TOGARAM2: variants seen among roughly 807,000 people sequenced by gnomAD.
TOGARAM2 encodes the protein TOG array regulator of axonemal microtubules protein 2.
Under a neutral mutation model 93.3 loss-of-function variants are expected in TOGARAM2, and 85 were observed. The observed-to-expected ratio is 0.91, with a 90% CI of 0.76 to 1.09. TOGARAM2 has a LOEUF of 1.09. TOGARAM2 is among the 50% of genes least tolerant of loss of function. The pLI is 0.00. For missense variants in TOGARAM2, 1,277 were observed against 1,334.5 expected (o/e 0.96, Z 0.67); for synonymous variants, 593 against 552.8 (o/e 1.07, Z -1.02).
At chr2:29,039,729 C>G (rs937100495) in intron 18 of TOGARAM2, among the ~76,000 whole-genome samples, 1 of 152,306 alleles carries the variant, frequency 6.6e-6, no homozygotes, top group Non-Finnish European at 1.5e-5. Context: ...GATTGGGGCT[C>G]AAGTGGCATT....
At chr2:29,040,996 C>A (rs938114720) in intron 18 of TOGARAM2, among the ~76,000 whole-genome samples, 3 of 150,580 alleles carry the variant, frequency 2.0e-5, no homozygotes, top group African/African-American at 7.3e-5. Context: ...ATAGCATAAG[C>A]ATTTGCAGAT....
In TOGARAM2 at chr2:29,002,698, T is replaced by TA; in HGVS notation, c.591dup (p.Pro198ThrfsTer28). 1.2e-6 allele frequency: 2 copies of TA among 1,614,008 alleles called. No individual in the cohort carries two copies. Among genetic ancestry groups the TA allele is most frequent in the Non-Finnish European group, 1.7e-6 (2 of 1,179,884 alleles). ...GGAGTCAAAGAGAAGGGCCTGGACC[T>TA]ACCGGGGAGCATTCCGGGTCCTCAC... On this transcript the variant is annotated frameshift_variant, in exon 5 of 20. Coordinates refer to ENST00000379558, the MANE Select transcript of TOGARAM2 (RefSeq NM_199280.4). LOFTEE classifies it high-confidence loss of function.
intron 1 of TOGARAM2, among the ~76,000 whole-genome samples, chr2:28,974,954 A>G (rs1185237285): frequency 6.7e-6 from 1 of 148,856 alleles, no homozygotes; most frequent in Non-Finnish European, 1.5e-5. Flanking sequence ...TTCAGTCTAT[A>G]TTTTTTCTGT....
At chr2:28,973,465 T>TCCTGCCTTCCTTCCTC (rs1671982210) in intron 1 of TOGARAM2, among the ~76,000 whole-genome samples, 1 of 60,772 alleles carries the variant, frequency 1.6e-5, no homozygotes, top group Non-Finnish European at 3.5e-5. Flanking sequence ...CTTCCTTCCT[T>TCCTGCCTTCCTTCCTC]CCTCCCTCCC....
intron 1 of TOGARAM2, among the ~76,000 whole-genome samples, chr2:28,967,285 G>A (rs1414118014): frequency 6.6e-6 from 1 of 152,012 alleles, no homozygotes; most frequent in Non-Finnish European, 1.5e-5. Context: ...GACCAACCTG[G>A]GCAACATAGT....
intron 8 of TOGARAM2, among the ~76,000 whole-genome samples, chr2:29,015,819 T>A (rs1205384992): frequency 1.3e-5 from 2 of 152,070 alleles, no homozygotes; most frequent in East Asian, 3.9e-4. Context: ...TCCCAGCCCT[T>A]CTTGGCTGCC....
At chr2:28,975,465 G>C (rs1242536523) in intron 1 of TOGARAM2, among the ~76,000 whole-genome samples, 5 of 152,116 alleles carry the variant, frequency 3.3e-5, no homozygotes, top group Non-Finnish European at 7.4e-5. Flanking sequence ...TGGGATTACA[G>C]GTGTGAGCCA....
At chr2:28,976,340 C>T (rs540378907), upstream of TOGARAM2, among the ~76,000 whole-genome samples, 30 of 152,300 alleles carry the variant, frequency 2.0e-4, no homozygotes, top group Non-Finnish European at 3.5e-4. Flanking sequence ...CACTGCACTC[C>T]AGCCTGGGCG....
chr2:29,030,999 C>A (rs369110938), intron 14 of TOGARAM2, among the ~76,000 whole-genome samples: 9 of 152,176 alleles, frequency 5.9e-5, no homozygotes, highest in Non-Finnish European at 1.3e-4. Context: ...TTTACTGAGC[C>A]ACCCAAGAGG....
At chr2:28,993,888 C>T (rs537675027) in intron 1 of TOGARAM2, among the ~76,000 whole-genome samples, 2 of 152,310 alleles carry the variant, frequency 1.3e-5, no homozygotes, top group South Asian at 4.1e-4. Context: ...AGGTTCCTGC[C>T]CTGTCCCCAG....
At chr2:29,033,594 C>T (rs755536819) in intron 16 of TOGARAM2, 31 bp downstream of exon 16, 12 of 1,595,152 alleles carry the variant, frequency 7.5e-6, no homozygotes, top group Non-Finnish European at 1.0e-5. Context: ...CTGGGCTTCA[C>T]ATCTAAGACT....
chr2:28,979,426 C>A (rs886274372), upstream of TOGARAM2, among the ~76,000 whole-genome samples: 1 of 152,202 alleles, frequency 6.6e-6, no homozygotes, highest in Non-Finnish European at 1.5e-5. Context: ...TTGTTTCTTG[C>A]CTAAGATGTC....
rs532577960 is a variant in TOGARAM2, at chr2:28,990,580, C to T, written c.-110-4145C>T. Among the ~76,000 whole-genome samples the T allele has an allele frequency of 5.9e-5, 9 of 152,300 alleles. No homozygotes were observed. The East Asian group carries it at 1.4e-3, about 23-fold the overall frequency. ...TGGAATGCCATTCCTCCTTCCTACC[C>T]GTTTAGACCCCATTTCCTACCCGTT... is the stretch of plus-strand genomic sequence containing the variant. On this transcript the variant is annotated intron_variant, in intron 1 of 19. Transcript: ENST00000379558.
At position 29,051,991 on chromosome 2, in the gene TOGARAM2, C is replaced by G; in HGVS notation, c.2958C>G (p.Leu986=). ...ACGTCCTCAAGACGCTCCAGGAACT[C>G]TTAGACTCAGAGTCCTTGGGAGGCA... ...PKHVLKTLQE[L]LDSESLGGSR... The change falls in exon 20 of 20, where the codon CTC becomes CTG. Residue 986 remains leucine (L), a synonymous_variant. Transcript: ENST00000379558. 2 of 1,613,372 alleles carry G rather than the reference C, an allele frequency of 1.2e-6. No homozygotes were observed. Among genetic ancestry groups the G allele is most frequent in the South Asian group, 1.1e-5 (1 of 91,000 alleles).
chr2:29,002,777 T>C (rs1405089539), intron 5 of TOGARAM2, 30 bp downstream of exon 5: 1 of 1,590,318 alleles, frequency 6.3e-7, no homozygotes, highest in Non-Finnish European at 8.6e-7. Context: ...GTGAGTCTGG[T>C]CCTCAGCTTC....
chr2:28,973,601 T>C (rs1348128433), intron 1 of TOGARAM2, among the ~76,000 whole-genome samples: 1 of 151,748 alleles, frequency 6.6e-6, no homozygotes, highest in Non-Finnish European at 1.5e-5. Context: ...TGGCTCATTG[T>C]AGCCTCAAAC....
At chr2:28,998,011 C>T (rs1673079374) in intron 2 of TOGARAM2, 132 bp from the exon 3 acceptor site, 2 of 564,794 alleles carry the variant, frequency 3.5e-6, no homozygotes, top group South Asian at 2.5e-5. Context: ...GGGGCCACCA[C>T]ATGCCTTGGT....
chr2:29,036,660 C>G lies in TOGARAM2; in HGVS notation c.2538C>G (p.Leu846=). 3 of 1,613,992 alleles carry G rather than the reference C, an allele frequency of 1.9e-6. No homozygotes were observed. The highest frequency in any genetic ancestry group is 2.2e-5 in the South Asian group (2 of 91,072). Residue 846 remains leucine, a synonymous_variant, in exon 18 of 20, where the codon CTC becomes CTG. Coordinates refer to ENST00000379558, the MANE Select transcript of TOGARAM2 (RefSeq NM_199280.4). The part of the protein sequence containing the change: ...LLRESLHPML[L]SIIITVADNL... ...GAGAGAGCTTACACCCCATGCTGCT[C>G]TCCATCATCATCACTGTTGCAGACA... is the stretch of plus-strand genomic sequence containing the variant.
rs769221765 is a variant in TOGARAM2, at chr2:29,022,242, T to C, written c.1445T>C (p.Leu482Ser). The C allele has an allele frequency of 2.7e-5, 43 of 1,613,926 alleles. No individual in the cohort carries two copies. Among genetic ancestry groups the C allele is most frequent in the Middle Eastern group, 1.6e-4 (1 of 6,084 alleles). Residue 482 changes from leucine to serine, a missense_variant, in exon 11 of 20, where the codon TTG (leucine) becomes TCG (serine). Coordinates refer to ENST00000379558, the MANE Select transcript of TOGARAM2 (RefSeq NM_199280.4). ...EEMDLRACKELRPFSNPELGL... is the reference protein window; with the variant it reads ...EEMDLRACKESRPFSNPELGL... ...ATGGATCTTAGAGCCTGTAAGGAGT[T>C]GAGGCCTTTCTCGAACCCGGAGCTG...
Sources: gnomAD v4.1 joint callset for allele counts (sites outside exome capture counted in the v4.1 genomes callset) on GRCh38, gnomAD v4.1.1 for gene constraint, MANE v1.5 for transcripts, NCBI Gene and HGNC (gene_info 2026-07-23, HGNC 2026-07-21) for gene names.